MAVS: variants seen among roughly 807,000 people sequenced by gnomAD.
MAVS encodes mitochondrial antiviral signaling protein.
MAVS carries 20 observed loss-of-function variants against 30.2 expected under a neutral mutation model. That is an observed-to-expected ratio of 0.66 (90% CI 0.47 to 0.96). The LOEUF is 0.96. Among genes scored for constraint, MAVS ranks in the 40% least tolerant of loss-of-function variants. The pLI is 0.00. For missense variants in MAVS, 624 were observed against 701.1 expected (o/e 0.89, Z 1.24); for synonymous variants, 278 against 293.9 (o/e 0.95, Z 0.55).
At chr20:3,863,933 G>T (rs2089885319) in intron 5 of MAVS, among the ~76,000 whole-genome samples, 1 of 152,162 alleles carries the variant, frequency 6.6e-6, no homozygotes, top group Admixed American at 6.5e-5. Flanking sequence ...AGTAGAAAAG[G>T]TAGACACAGG....
chr20:3,853,314 G>A (rs556524226), intron 1 of MAVS, among the ~76,000 whole-genome samples: 4 of 150,590 alleles, frequency 2.7e-5, no homozygotes, highest in East Asian at 2.0e-4. Context: ...GTGAAACCCC[G>A]TCTCTACTAA....
chr20:3,851,515 A>G (rs976741883), intron 1 of MAVS, among the ~76,000 whole-genome samples: 10 of 151,176 alleles, frequency 6.6e-5, no homozygotes, highest in Admixed American at 6.6e-4. Flanking sequence ...AAAAAAAAAA[A>G]AAAAAAAAAA....
Position 3,866,310 on chromosome 20 carries a change from G to A in MAVS, c.*163G>A. On this transcript the variant is annotated 3_prime_UTR_variant, in exon 7 of 7. Coordinates refer to ENST00000428216, the MANE Select transcript of MAVS (RefSeq NM_020746.5). ...GCAGGACATGCCTTGGCTGAACCAA[G>A]TCCTGAGAGCAGCATCTCTGTCCCC... The A allele has an allele frequency of 1.5e-6, 1 of 677,770 alleles. No homozygotes were observed. Among genetic ancestry groups the A allele is most frequent in the African/African-American group, 1.8e-5 (1 of 55,498 alleles). 42.0% of individuals were successfully genotyped at this position (677,770 alleles called of 1,614,324 possible).
rs1255516264 is a variant in MAVS at position 3,875,429 on chromosome 20, A to C, written c.*9282A>C. ...GACCCAGACTCAAAAAATAAAAATAAAAACCCTGAATATCTTCCTTCTACT... is the reference window on the plus strand; with the variant it reads ...GACCCAGACTCAAAAAATAAAAATACAAACCCTGAATATCTTCCTTCTACT... On this transcript the variant is annotated 3_prime_UTR_variant, in exon 7 of 7. Transcript: ENST00000428216. The C allele has an allele frequency of 6.6e-6, 1 of 151,854 alleles. No homozygotes were observed. The highest frequency in any genetic ancestry group is 1.5e-5 in the Non-Finnish European group (1 of 68,006). The allele number at this position is 151,854 out of a possible 1,614,324, so 9.4% of individuals were successfully genotyped here.
rs2089905423 is a variant in MAVS, at chr20:3,866,048, CCA to C, written c.1527_1528del (p.His509GlnfsTer72). The C allele has an allele frequency of 1.2e-6, 2 of 1,612,448 alleles. No individual in the cohort carries two copies. Among genetic ancestry groups the C allele is most frequent in the Non-Finnish European group, 1.7e-6 (2 of 1,180,004 alleles). On this transcript the variant is annotated frameshift_variant, in exon 7 of 7. Transcript: ENST00000428216. LOFTEE classifies it low-confidence loss of function (END_TRUNC). ...RKFQEREVPC[H>X]RPSPGALWLQ... Reference sequence around the variant, plus strand: ...AGTTCCAGGAGAGGGAGGTGCCATGCCACAGGCCCTCACCTGGGGCTCTGTGG... The same window carrying C: ...AGTTCCAGGAGAGGGAGGTGCCATGCCAGGCCCTCACCTGGGGCTCTGTGG...
chr20:3,866,961 TTCTGG>T lies in MAVS; in HGVS notation c.*818_*822del, dbSNP rs1264129109. On this transcript the variant is annotated 3_prime_UTR_variant, in exon 7 of 7. Transcript: ENST00000428216. ...TGTGTGGCTTTGGCAGATGTCAGAC[TTCTGG>T]TCTTGCTTCTCCACGTGGACAGTGA... is the stretch of plus-strand genomic sequence containing the variant. 4.4e-6 allele frequency: 2 copies of T among 456,750 alleles called. No homozygotes were observed. Among genetic ancestry groups the T allele is most frequent in the African/African-American group, 4.0e-5 (2 of 50,094 alleles). The allele number at this position is 456,750 out of a possible 1,614,324, so 28.3% of individuals were successfully genotyped here. A position where few individuals can be genotyped will look rare whatever the true frequency, so the allele number is the denominator to read the frequency against.
chr20:3,860,762 C>T (rs1290190394), intron 3 of MAVS, among the ~76,000 whole-genome samples: 6 of 151,576 alleles, frequency 4.0e-5, no homozygotes, highest in South Asian at 2.1e-4. Flanking sequence ...CTGCAACCTC[C>T]GTCTCCCAGG....
rs756082686 is a variant in MAVS at position 3,864,653 on chromosome 20, C to T, written c.1023C>T (p.Leu341=). The change falls in exon 6 of 7, where the codon CTC becomes CTT. Residue 341 remains leucine (L), a synonymous_variant. Coordinates refer to ENST00000428216, the MANE Select transcript of MAVS (RefSeq NM_020746.5). ...CTGGTGCAGTGCCTTCTAATGCGCT[C>T]ACCAATCCAGCACCATCCAAATTGC... ...KPPGAVPSNA[L]TNPAPSKLPI... is the part of the protein sequence containing the mutation. The T allele has an allele frequency of 6.2e-6, 10 of 1,614,252 alleles. No individual in the cohort carries two copies. Among genetic ancestry groups the T allele is most frequent in the Non-Finnish European group, 7.6e-6 (9 of 1,180,040 alleles).
chr20:3,860,923 C>T (rs1376486186), intron 3 of MAVS, among the ~76,000 whole-genome samples: 29 of 152,194 alleles, frequency 1.9e-4, no homozygotes, highest in Admixed American at 1.8e-3. Flanking sequence ...AATCCACCTG[C>T]CTTGGCCTCC....
At position 3,868,010 on chromosome 20, in the gene MAVS, G is replaced by C. The variant is rs2089922310; in HGVS notation, c.*1863G>C. 1 of 148,460 alleles carries C rather than the reference G, an allele frequency of 6.7e-6. No homozygotes were observed. 9.2% of individuals were successfully genotyped at this position (148,460 alleles called of 1,614,324 possible). ...ACTGTGGCCCCACCCCAAGCCGTCA[G>C]CCTCCAGGGATCTACACCCTGCCTT... is the stretch of plus-strand genomic sequence containing the variant. On this transcript the variant is annotated 3_prime_UTR_variant, in exon 7 of 7. Transcript: ENST00000428216.
At chr20:3,863,885 TG>T (rs2089885025) in intron 5 of MAVS, among the ~76,000 whole-genome samples, 1 of 151,924 alleles carries the variant, frequency 6.6e-6, no homozygotes, top group Admixed American at 6.6e-5. Context: ...GGGACAGCAG[TG>T]GGGGAAGTGT....
In MAVS at chr20:3,851,605, A is replaced by T. The variant is rs1050623442; in HGVS notation, c.-67-2953A>T. 2.0e-5 allele frequency among the ~76,000 whole-genome samples: 3 copies of T among 152,156 alleles called. No individual in the cohort carries two copies. The East Asian group carries it at 5.8e-4, about 29-fold the overall frequency. On this transcript the variant is annotated intron_variant, in intron 1 of 6. Transcript: ENST00000428216. ...TAAGGGTGAGGAAGTCTGGAAACTG[A>T]TAACTTGCCCAGGACACACAGTGAG...
intron 1 of MAVS, among the ~76,000 whole-genome samples, chr20:3,853,203 G>T (rs2089776947): frequency 6.8e-6 from 1 of 146,324 alleles, no homozygotes; most frequent in Non-Finnish European, 1.5e-5. Context: ...ATTAAAGATG[G>T]CGGCCGGGCG....
intron 1 of MAVS, among the ~76,000 whole-genome samples, chr20:3,852,179 A>G (rs1443964767): frequency 6.6e-6 from 1 of 151,896 alleles, no homozygotes; most frequent in African/African-American, 2.4e-5. Flanking sequence ...TATTTTTAGT[A>G]GAGACGGGGT....
At chr20:3,858,966 A>T (rs1318342395) in intron 3 of MAVS, among the ~76,000 whole-genome samples, 1 of 151,726 alleles carries the variant, frequency 6.6e-6, no homozygotes, top group African/African-American at 2.4e-5. Context: ...CACCTGGCTA[A>T]TTTTTAAATT....
intron 2 of MAVS, among the ~76,000 whole-genome samples, chr20:3,855,165 A>T (rs569543732): frequency 6.6e-6 from 1 of 152,216 alleles, no homozygotes; most frequent in East Asian, 1.9e-4. Context: ...CTGGGATTAC[A>T]GGCGTGAGCC....
intron 1 of MAVS, among the ~76,000 whole-genome samples, chr20:3,847,351 C>T (rs983327898): frequency 1.3e-5 from 2 of 152,192 alleles, no homozygotes; most frequent in Non-Finnish European, 2.9e-5. Flanking sequence ...GGCCTCCCCG[C>T]CCTCCGCGGA....
intron 4 of MAVS, among the ~76,000 whole-genome samples, 163 bp downstream of exon 4, chr20:3,861,667 T>C (rs541022312): frequency 6.6e-6 from 1 of 152,306 alleles, no homozygotes; most frequent in Non-Finnish European, 1.5e-5. Flanking sequence ...CCAGACCAGC[T>C]TCCAGGCTGC....
Position 3,865,774 on chromosome 20 carries a change from A to C in MAVS, c.1250A>C (p.Glu417Ala). The C allele has an allele frequency of 6.2e-7, 1 of 1,613,682 alleles. No individual in the cohort carries two copies. The highest frequency in any genetic ancestry group is 8.5e-7 in the Non-Finnish European group (1 of 1,179,988). Residue 417 changes from glutamate to alanine, a missense_variant, in exon 7 of 7, where the codon GAG becomes GCG. Coordinates refer to ENST00000428216, the MANE Select transcript of MAVS (RefSeq NM_020746.5). This position sits in a 1 kb window ranked among gnomAD's most constrained non-coding sequence, Gnocchi z 4.7. ...SSSENRGLGS[E>A]LSKPGVLASQ... ...TCTGAGAATAGGGGCCTTGGGTCGG[A>C]GCTGAGTAAGCCTGGCGTGCTGGCA...
Sources: allele counts gnomAD v4.1 joint callset (sites outside exome capture counted in the v4.1 genomes callset), GRCh38; gene constraint gnomAD v4.1.1; non-coding constraint Gnocchi (gnomAD v3.1); transcripts MANE v1.5; gene names NCBI Gene and HGNC (gene_info 2026-07-23, HGNC 2026-07-21).